Variants in ZCCHC24 observed in about 807,000 individuals in gnomAD.
The protein encoded by ZCCHC24 is zinc finger CCHC domain-containing protein 24.
In ZCCHC24, 10 loss-of-function variants were observed where a neutral mutation model predicts 26.2. That is an observed-to-expected ratio of 0.38 (90% confidence interval 0.24 to 0.65). The LOEUF is 0.65. Among genes scored for constraint, ZCCHC24 ranks in the 30% least tolerant of loss-of-function variants. The pLI, the probability that ZCCHC24 is intolerant of heterozygous loss-of-function variation, is 0.54. For synonymous variants in ZCCHC24, 144 were observed against 147.1 expected (o/e 0.98, Z 0.15); for missense variants, 243 against 329.1 (o/e 0.74, Z 2.03).
At chr10:79,443,609 G>C (rs1312244709) in intron 1 of ZCCHC24, among the ~76,000 whole-genome samples, 1 of 152,196 alleles carries the variant, frequency 6.6e-6, no homozygotes, top group East Asian at 1.9e-4. Flanking sequence ...GTCCTGCCCA[G>C]AGCTCAACAA....
intron 2 of ZCCHC24, among the ~76,000 whole-genome samples, chr10:79,404,605 T>C (rs1236898403): frequency 6.6e-6 from 1 of 152,176 alleles, no homozygotes; most frequent in Non-Finnish European, 1.5e-5. Flanking sequence ...AACCATTTGT[T>C]GTTTCCAGAT....
intron 3 of ZCCHC24, among the ~76,000 whole-genome samples, chr10:79,388,740 A>C (rs1199227597): frequency 6.6e-6 from 1 of 152,134 alleles, no homozygotes; most frequent in Non-Finnish European, 1.5e-5. Flanking sequence ...ATTATGTGGC[A>C]AAGTACTGCC....
intron 3 of ZCCHC24, among the ~76,000 whole-genome samples, chr10:79,392,297 G>A (rs1722834823): frequency 6.6e-6 from 1 of 152,114 alleles, no homozygotes; most frequent in Non-Finnish European, 1.5e-5. Flanking sequence ...ACCTCCCTGG[G>A]CCTGGGATGC....
intron 2 of ZCCHC24, among the ~76,000 whole-genome samples, chr10:79,429,682 A>G (rs919879748): frequency 3.9e-5 from 6 of 152,230 alleles, no homozygotes; most frequent in Admixed American, 1.3e-4. Context: ...AACTCCAGGC[A>G]TATACGAAAA....
At chr10:79,405,756 A>G (rs1314794049) in intron 2 of ZCCHC24, among the ~76,000 whole-genome samples, 1 of 152,224 alleles carries the variant, frequency 6.6e-6, no homozygotes, top group African/African-American at 2.4e-5. Flanking sequence ...AGGAGGGGAC[A>G]GGGGAGCTCA....
At chr10:79,430,496 G>A (rs1465045208) in intron 2 of ZCCHC24, among the ~76,000 whole-genome samples, 1 of 151,886 alleles carries the variant, frequency 6.6e-6, no homozygotes, top group African/African-American at 2.4e-5. Flanking sequence ...TGTAAAATGA[G>A]GCCTCTGCTC....
chr10:79,403,950 G>A (rs1287331818), intron 2 of ZCCHC24, among the ~76,000 whole-genome samples: 2 of 152,010 alleles, frequency 1.3e-5, no homozygotes, highest in Admixed American at 1.3e-4. Flanking sequence ...GAGAGATGAG[G>A]GAGAGATCCT....
chr10:79,423,582 T>TATATATATATTTTATATATAC (rs1856979482), intron 2 of ZCCHC24, among the ~76,000 whole-genome samples: 1 of 15,632 alleles, frequency 6.4e-5, no homozygotes, highest in African/African-American at 6.2e-4. Flanking sequence ...ATATATATAC[T>TATATATATATTTTATATATAC]ATATATATAT....
intron 2 of ZCCHC24, among the ~76,000 whole-genome samples, chr10:79,413,964 C>T (rs1564636138): frequency 6.6e-6 from 1 of 152,226 alleles, no homozygotes; most frequent in East Asian, 1.9e-4. Context: ...CACATGTGCC[C>T]CTCACACTTG....
At chr10:79,408,690 C>T (rs1308375861) in intron 2 of ZCCHC24, among the ~76,000 whole-genome samples, 1 of 152,180 alleles carries the variant, frequency 6.6e-6, no homozygotes, top group Admixed American at 6.5e-5. Context: ...TGGGGATCCC[C>T]TCTTCACAGT....
At chr10:79,392,370 C>T (rs973428830) in intron 3 of ZCCHC24, among the ~76,000 whole-genome samples, 1 of 152,168 alleles carries the variant, frequency 6.6e-6, no homozygotes, top group African/African-American at 2.4e-5. Flanking sequence ...TCCTCAAGCC[C>T]GCCCCAGCCC....
At chr10:79,444,195 G>T (rs1203379665) in intron 1 of ZCCHC24, 1 of 1,525,564 alleles carries the variant, frequency 6.6e-7, no homozygotes, top group Non-Finnish European at 8.8e-7. Flanking sequence ...CCCACAAGGG[G>T]AGGAAGTGAA....
intron 2 of ZCCHC24, among the ~76,000 whole-genome samples, chr10:79,405,984 C>T (rs1266301603): frequency 2.0e-5 from 3 of 152,214 alleles, no homozygotes; most frequent in African/African-American, 4.8e-5. Flanking sequence ...CTCTGGGATT[C>T]GATCTCCTCA....
intron 3 of ZCCHC24, among the ~76,000 whole-genome samples, chr10:79,390,493 ATCCTTGCCAGCACCCT>A (rs1856465579): frequency 6.6e-6 from 1 of 152,026 alleles, no homozygotes; most frequent in Admixed American, 6.5e-5. Flanking sequence ...ATCTTGAAAC[ATCCTTGCCAGCACCCT>A]CCTGGGCTCA....
At chr10:79,410,933 A>G (rs1856782130) in intron 2 of ZCCHC24, among the ~76,000 whole-genome samples, 1 of 152,224 alleles carries the variant, frequency 6.6e-6, no homozygotes, top group South Asian at 2.1e-4. Flanking sequence ...TGTGGCCTCA[A>G]TCAGCTGCGG....
At position 79,412,556 on chromosome 10, in the gene ZCCHC24, C is replaced by T. The variant is rs186309014; in HGVS notation, c.448-18116G>A. Among the ~76,000 whole-genome samples, 15 of 152,334 alleles carry T rather than the reference C, an allele frequency of 9.8e-5. No homozygotes were observed. The East Asian group carries it at 2.9e-3, about 29-fold the overall frequency. On this transcript the variant is annotated intron_variant, in intron 2 of 3. Transcript: ENST00000372336. ...AGCCACATGGAAAATTGGGAGAATC[C>T]CACCGAGGGAGGAAAACAGGCAACC...
At chr10:79,439,099 A>G (rs1857257372) in intron 1 of ZCCHC24, among the ~76,000 whole-genome samples, 1 of 152,236 alleles carries the variant, frequency 6.6e-6, no homozygotes, top group Admixed American at 6.5e-5. Flanking sequence ...TGTGGGCATG[A>G]AGGTGTGTGT....
At chr10:79,423,262 A>G (rs987738431) in intron 2 of ZCCHC24, among the ~76,000 whole-genome samples, 13 of 151,350 alleles carry the variant, frequency 8.6e-5, no homozygotes, top group Admixed American at 1.3e-4. Context: ...TAAAAATTTT[A>G]TTTTCTGGCT....
chr10:79,410,941 C>T (rs906806456), intron 2 of ZCCHC24, among the ~76,000 whole-genome samples: 19 of 152,150 alleles, frequency 1.2e-4, no homozygotes, highest in Admixed American at 5.9e-4. Flanking sequence ...CAATCAGCTG[C>T]GGGGCTGTGG....
Sources: gnomAD v4.1 joint callset for allele counts (sites outside exome capture counted in the v4.1 genomes callset) on GRCh38, gnomAD v4.1.1 for gene constraint, MANE v1.5 for transcripts, NCBI Gene and HGNC (gene_info 2026-07-23, HGNC 2026-07-21) for gene names.